EYS: variants seen among roughly 807,000 people sequenced by gnomAD.
EYS encodes EGF-like photoreceptor maintenance factor.
EYS carries 250 observed loss-of-function variants against 282.1 expected under a neutral mutation model. That is an observed-to-expected ratio of 0.89 (90% confidence interval 0.80 to 0.98). The LOEUF (loss-of-function observed/expected upper bound fraction) is 0.98, where lower values mean the gene tolerates loss of function less well. Among genes scored for constraint, EYS ranks in the 50% least tolerant of loss-of-function variants. The probability of loss-of-function intolerance (pLI) is 0.00; values close to 1 mark genes in which losing one functional copy is unlikely to be tolerated. For synonymous variants in EYS, 1,355 were observed against 1,282.9 expected (o/e 1.06, Z -1.20); for missense variants, 4,016 against 3,709.0 (o/e 1.08, Z -2.15).
chr6:64,392,271 C>T (rs1175645560), intron 28 of EYS, among the ~76,000 whole-genome samples: 4 of 147,616 alleles, frequency 2.7e-5, no homozygotes, highest in South Asian at 2.2e-4. Flanking sequence ...CTGCACCAAG[C>T]AGACCTAATA....
Position 64,912,598 on chromosome 6 carries a change from C to T in EYS, c.2527G>A (p.Gly843Arg), listed in dbSNP as rs2150076826. ...TTATAGCGTTGGTGGCAAAATTGTCCAGTATAAAGGGGTGGGCACAGACAT... is the reference window on the plus strand; with the variant it reads ...TTATAGCGTTGGTGGCAAAATTGTCTAGTATAAAGGGGTGGGCACAGACAT... ...FVCLCPPLYT[G>R]QFCHQRYNLC... is the part of the protein sequence containing the mutation. The change falls in exon 16 of 43, where the codon GGA becomes AGA. Residue 843 changes from glycine (G) to arginine (R), a missense_variant. Physicochemically the swap from Gly to Arg is moderately radical, Grantham distance 125. Transcript: ENST00000503581. The T allele has an allele frequency of 1.9e-6, 3 of 1,551,192 alleles. No homozygotes were observed. Among genetic ancestry groups the T allele is most frequent in the Non-Finnish European group, 2.6e-6 (3 of 1,146,684 alleles).
intron 33 of EYS, among the ~76,000 whole-genome samples, chr6:64,009,072 G>GCTTTCTCT (rs1768481826): frequency 6.6e-6 from 1 of 152,116 alleles, no homozygotes; most frequent in Admixed American, 6.5e-5. Context: ...CATGTTGCTT[G>GCTTTCTCT]CTTTCTCTCC....
In EYS at chr6:65,656,573, A is replaced by C. The variant is rs76988949; in HGVS notation, c.-447-16681T>G. On this transcript the variant is annotated intron_variant, in intron 1 of 42. Transcript: ENST00000503581. ...TCAATTACGTGAAGACAGAGAGATG[A>C]GGAAGTTACAGAAGAAAAGTTTGAA... Among the ~76,000 whole-genome samples the C allele has an allele frequency of 4.9e-3, 744 of 152,040 alleles. 6 individuals carry two copies. The highest frequency in any genetic ancestry group is 0.017 in the African/African-American group (703 of 41,550).
intron 34 of EYS, among the ~76,000 whole-genome samples, chr6:63,986,977 C>A (rs1767397097): frequency 6.6e-6 from 1 of 151,588 alleles, no homozygotes; most frequent in South Asian, 2.1e-4. Context: ...TAAAGGCAAC[C>A]AAACCATTTA....
At chr6:64,518,247 A>G (rs1230078801) in intron 26 of EYS, among the ~76,000 whole-genome samples, 11 of 151,802 alleles carry the variant, frequency 7.2e-5, no homozygotes, top group African/African-American at 2.7e-4. Flanking sequence ...TTTTGGATGT[A>G]AAAAACAAAA....
At chr6:64,407,105 A>G (rs1343859252) in intron 28 of EYS, among the ~76,000 whole-genome samples, 1 of 152,244 alleles carries the variant, frequency 6.6e-6, no homozygotes, top group Non-Finnish European at 1.5e-5. Context: ...ACACCATGGA[A>G]TACTATGCAG....
chr6:65,567,198 C>G (rs1764294177), intron 2 of EYS, among the ~76,000 whole-genome samples: 1 of 151,594 alleles, frequency 6.6e-6, no homozygotes, highest in Non-Finnish European at 1.5e-5. Context: ...CCAGGCACTT[C>G]AACCTGGGAA....
At chr6:64,439,656 T>C (rs905479982) in intron 26 of EYS, among the ~76,000 whole-genome samples, 5 of 151,876 alleles carry the variant, frequency 3.3e-5, no homozygotes, top group Non-Finnish European at 7.4e-5. Context: ...TTTCTAAATA[T>C]GTACTTATTT....
chr6:65,031,190 CAT>C (rs1554143869), intron 13 of EYS, among the ~76,000 whole-genome samples: 2 of 149,764 alleles, frequency 1.3e-5, no homozygotes, highest in African/African-American at 2.4e-5. Flanking sequence ...CACACACACA[CAT>C]ATACACACAC....
chr6:63,875,293 G>A (rs935773172), intron 35 of EYS, among the ~76,000 whole-genome samples: 3 of 152,134 alleles, frequency 2.0e-5, no homozygotes, highest in Non-Finnish European at 2.9e-5. Flanking sequence ...TGCTTATGTT[G>A]AACCAGGCTT....
rs1221028442 is a variant in EYS, at chr6:64,431,111, G to T, written c.5927+5063C>A. ...ACTTTAGGGAGAGAACCAACCCATG[G>T]GACACAACACAAGGTCAAAGGAATA... On this transcript the variant is annotated intron_variant, in intron 28 of 42. Transcript: ENST00000503581. 1.3e-4 allele frequency among the ~76,000 whole-genome samples: 19 copies of T among 151,240 alleles called. No individual in the cohort carries two copies. The Admixed American group carries it at 1.3e-3, about 10-fold the overall frequency.
At chr6:64,948,201 T>A (rs1050477948) in intron 14 of EYS, among the ~76,000 whole-genome samples, 2 of 151,268 alleles carry the variant, frequency 1.3e-5, no homozygotes, top group African/African-American at 4.8e-5. Context: ...AAAATTAAAA[T>A]TTAAAGATGT....
intron 32 of EYS, among the ~76,000 whole-genome samples, chr6:64,070,888 G>A (rs992487727): frequency 1.3e-5 from 2 of 152,034 alleles, no homozygotes; most frequent in East Asian, 1.9e-4. Context: ...TATTCATTAT[G>A]ACTTTTACAC....
intron 35 of EYS, among the ~76,000 whole-genome samples, chr6:63,920,417 G>A (rs953856046): frequency 2.6e-5 from 4 of 152,142 alleles, no homozygotes; most frequent in Non-Finnish European, 5.9e-5. Flanking sequence ...CATGTTTTCT[G>A]GAAGGTTCTG....
intron 33 of EYS, among the ~76,000 whole-genome samples, chr6:64,007,563 G>C (rs866008414): frequency 2.1e-4 from 32 of 151,962 alleles, no homozygotes; most frequent in African/African-American, 7.7e-4. Flanking sequence ...TATTTCTCCA[G>C]TTCCTCTAGA....
intron 26 of EYS, among the ~76,000 whole-genome samples, chr6:64,545,027 A>G (rs1764809487): frequency 6.6e-6 from 1 of 152,234 alleles, no homozygotes; most frequent in Non-Finnish European, 1.5e-5. Flanking sequence ...TTATGAGGCC[A>G]GCATCATCCT....
intron 30 of EYS, among the ~76,000 whole-genome samples, chr6:64,278,073 TG>T (rs1768174467): frequency 6.6e-6 from 1 of 152,162 alleles, no homozygotes. Flanking sequence ...TCAAAGAAGC[TG>T]TAGTGGGAGA....
At position 64,806,077 on chromosome 6, in the gene EYS, G is replaced by T. The variant is rs914877662; in HGVS notation, c.3443+7301C>A. On this transcript the variant is annotated intron_variant, in intron 22 of 42. Coordinates refer to ENST00000503581, the MANE Select transcript of EYS (RefSeq NM_001142800.2). ...AAGAATACATTAAAAAATCAAAATAGGTTGATGTTTTAAATTTGAATCTCT... is the reference window on the plus strand; with the variant it reads ...AAGAATACATTAAAAAATCAAAATATGTTGATGTTTTAAATTTGAATCTCT... Among the ~76,000 whole-genome samples, 7 of 151,306 alleles carry T rather than the reference G, an allele frequency of 4.6e-5. No homozygotes were observed. The South Asian group carries it at 1.5e-3, about 32-fold the overall frequency.
intron 22 of EYS, among the ~76,000 whole-genome samples, chr6:64,671,872 T>A (rs1769473601): frequency 6.6e-6 from 1 of 152,140 alleles, no homozygotes; most frequent in Admixed American, 6.5e-5. Context: ...AAAAACAACA[T>A]TATTATTAAG....
Sources: gnomAD v4.1 joint callset for allele counts (sites outside exome capture counted in the v4.1 genomes callset) on GRCh38, gnomAD v4.1.1 for gene constraint, MANE v1.5 for transcripts, NCBI Gene and HGNC (gene_info 2026-07-23, HGNC 2026-07-21) for gene names.